The following ZSWIM6 variants were observed in gnomAD, a reference collection of about 807,000 sequenced individuals.
The protein encoded by ZSWIM6 is zinc finger SWIM-type containing 6, also known as zinc finger SWIM domain-containing protein 6.
Under a neutral mutation model 113.2 loss-of-function variants are expected in ZSWIM6, and 9 were observed. The observed-to-expected ratio is 0.08, with a 90% confidence interval of 0.05 to 0.14. ZSWIM6 has a LOEUF of 0.14. Among genes scored for constraint, ZSWIM6 ranks in the 10% least tolerant of loss-of-function variants. The pLI, the probability that ZSWIM6 is intolerant of heterozygous loss-of-function variation, is 1.00. For missense variants in ZSWIM6, 1,162 were observed against 1,552.2 expected (o/e 0.75, Z 4.22); for synonymous variants, 611 against 606.5 (o/e 1.01, Z -0.11).
At chr5:61,511,225 C>T (rs1168297767) in intron 4 of ZSWIM6, among the ~76,000 whole-genome samples, 1 of 151,984 alleles carries the variant, frequency 6.6e-6, no homozygotes, top group African/African-American at 2.4e-5. Flanking sequence ...ATGTTGCAAG[C>T]AAATTAATAA....
At position 61,472,222 on chromosome 5, in the gene ZSWIM6, G is replaced by A. The variant is rs1423610669; in HGVS notation, c.677-459G>A. On this transcript the variant is annotated intron_variant, in intron 1 of 13. Coordinates refer to ENST00000252744, the MANE Select transcript of ZSWIM6 (RefSeq NM_020928.2). The surrounding 1 kb of genome is among the most constrained non-coding windows in gnomAD (Gnocchi z 4.1). ...GTTGGAGCCAGCTAGTGGCTGCCTA[G>A]AATAAAGGTGGGGAGAGTTAGTTTG... Among the ~76,000 whole-genome samples the A allele has an allele frequency of 6.6e-6, 1 of 152,164 alleles. No individual in the cohort carries two copies. The highest frequency in any genetic ancestry group is 1.5e-5 in the Non-Finnish European group (1 of 68,030).
At chr5:61,337,588 C>G (rs936281495) in intron 1 of ZSWIM6, among the ~76,000 whole-genome samples, 1 of 152,300 alleles carries the variant, frequency 6.6e-6, no homozygotes, top group East Asian at 1.9e-4. Context: ...CTAAGAAATA[C>G]TCAGTGGAAT....
At chr5:61,448,397 G>A (rs1043726178) in intron 1 of ZSWIM6, among the ~76,000 whole-genome samples, 3 of 152,084 alleles carry the variant, frequency 2.0e-5, no homozygotes, top group African/African-American at 4.8e-5. Context: ...AGAATATCAC[G>A]TTCTATACAA....
intron 2 of ZSWIM6, among the ~76,000 whole-genome samples, chr5:61,487,946 G>A (rs138441311): frequency 6.6e-6 from 1 of 152,102 alleles, no homozygotes; most frequent in African/African-American, 2.4e-5. Context: ...GGGCATTCCT[G>A]TCTTATTCCA....
chr5:61,490,675 TAATTGA>T, intron 2 of ZSWIM6, 105 bp from the exon 3 acceptor site: 3 of 1,059,448 alleles, frequency 2.8e-6, no homozygotes, highest in Non-Finnish European at 4.0e-6. Context: ...TTTGTATGTA[TAATTGA>T]AATTGAGATT....
chr5:61,381,928 C>G lies in ZSWIM6; in HGVS notation c.676+48980C>G, dbSNP rs190501799. Among the ~76,000 whole-genome samples, 37 of 152,286 alleles carry G rather than the reference C, an allele frequency of 2.4e-4. No individual in the cohort carries two copies. In the East Asian group the frequency reaches 6.9e-3, roughly 29 times the overall value. On this transcript the variant is annotated intron_variant, in intron 1 of 13. Coordinates refer to ENST00000252744, the MANE Select transcript of ZSWIM6 (RefSeq NM_020928.2). ...AATGCATATATCTTTCTTGATATAA[C>G]AAATGAATTTGGTTGTAGCTAACGT...
intron 1 of ZSWIM6, among the ~76,000 whole-genome samples, chr5:61,345,975 C>T (rs981451048): frequency 7.2e-5 from 11 of 152,258 alleles, no homozygotes; most frequent in African/African-American, 2.6e-4. Context: ...AACAGAGTGT[C>T]GCTCTGTGGC....
intron 2 of ZSWIM6, among the ~76,000 whole-genome samples, chr5:61,485,535 A>G (rs1490825358): frequency 6.6e-6 from 1 of 152,052 alleles, no homozygotes; most frequent in Non-Finnish European, 1.5e-5. Flanking sequence ...TGTGTCAGTG[A>G]GTTTTTCAGT....
chr5:61,339,761 C>T (rs979681742), intron 1 of ZSWIM6, among the ~76,000 whole-genome samples: 1 of 152,170 alleles, frequency 6.6e-6, no homozygotes, highest in Admixed American at 6.5e-5. Context: ...TTTTTAGCTA[C>T]CTTTCAAATT....
At chr5:61,333,083 G>A (rs1293968725) in intron 1 of ZSWIM6, 135 bp downstream of exon 1, 4 of 959,492 alleles carry the variant, frequency 4.2e-6, no homozygotes, top group Non-Finnish European at 3.8e-6. Context: ...TCACTGGCCC[G>A]GACGGTCCTC....
At chr5:61,457,665 G>T (rs1380854552) in intron 1 of ZSWIM6, among the ~76,000 whole-genome samples, 2 of 152,054 alleles carry the variant, frequency 1.3e-5, no homozygotes, top group Non-Finnish European at 2.9e-5. Context: ...GGGATTACAG[G>T]CACCTGCCTC....
At chr5:61,333,009 G>GA in intron 1 of ZSWIM6, 61 bp downstream of exon 1, 3 of 439,908 alleles carry the variant, frequency 6.8e-6, no homozygotes, top group Non-Finnish European at 9.6e-6. Flanking sequence ...TGGGGGGGGG[G>GA]TGCCCGCCTT....
intron 1 of ZSWIM6, among the ~76,000 whole-genome samples, chr5:61,400,780 T>C (rs1485462673): frequency 2.0e-5 from 3 of 152,210 alleles, no homozygotes; most frequent in African/African-American, 7.2e-5. Flanking sequence ...ATCATACCTT[T>C]GAGTCCATCC....
intron 5 of ZSWIM6, among the ~76,000 whole-genome samples, chr5:61,523,238 G>A (rs1431761232): frequency 2.0e-5 from 3 of 152,130 alleles, no homozygotes; most frequent in African/African-American, 4.8e-5. Flanking sequence ...GTGGCCAATA[G>A]AGTCCAGCAG....
intron 1 of ZSWIM6, among the ~76,000 whole-genome samples, chr5:61,412,189 G>A (rs1267881720): frequency 2.0e-5 from 3 of 152,160 alleles, no homozygotes; most frequent in Non-Finnish European, 4.4e-5. Flanking sequence ...ACCCTATACT[G>A]AGATCTCATG....
chr5:61,415,147 T>C (rs918218021), intron 1 of ZSWIM6, among the ~76,000 whole-genome samples: 1 of 152,240 alleles, frequency 6.6e-6, no homozygotes, highest in Non-Finnish European at 1.5e-5. Flanking sequence ...GTTTTTGCAG[T>C]CTTTTCGGGA....
chr5:61,429,975 T>G (rs1428176112), intron 1 of ZSWIM6, among the ~76,000 whole-genome samples: 2 of 152,140 alleles, frequency 1.3e-5, no homozygotes. Context: ...TTCTGAGAGG[T>G]CAGTGGAAAA....
rs1580013847 is a variant in ZSWIM6, at chr5:61,472,829, T to A, written c.825T>A (p.Val275=). Residue 275 remains valine, a synonymous_variant, in exon 2 of 14, where the codon GTT becomes GTA. Transcript: ENST00000252744. This position sits in a 1 kb window ranked among gnomAD's most constrained non-coding sequence, Gnocchi z 4.1. The part of the protein sequence containing the change: ...GNKDIFYCAH[V]VALSLYRIRK... ...AGGACATATTTTATTGTGCCCATGTTGTGGCACTGTCTTTATACCGCATCC... is the reference window on the plus strand; with the variant it reads ...AGGACATATTTTATTGTGCCCATGTAGTGGCACTGTCTTTATACCGCATCC... 4 of 1,551,848 alleles carry A rather than the reference T, an allele frequency of 2.6e-6. No homozygotes were observed. Among genetic ancestry groups the A allele is most frequent in the East Asian group, 4.9e-5 (2 of 40,926 alleles).
chr5:61,516,679 A>G (rs2112253589), intron 4 of ZSWIM6, among the ~76,000 whole-genome samples: 1 of 151,764 alleles, frequency 6.6e-6, no homozygotes, highest in East Asian at 1.9e-4. Flanking sequence ...GCTTTTAACC[A>G]TCATACTTTT....
Sources: allele counts gnomAD v4.1 joint callset (sites outside exome capture counted in the v4.1 genomes callset), GRCh38; gene constraint gnomAD v4.1.1; non-coding constraint Gnocchi (gnomAD v3.1); transcripts MANE v1.5; gene names NCBI Gene and HGNC (gene_info 2026-07-23, HGNC 2026-07-21).